C7: variants seen among roughly 807,000 people sequenced by gnomAD.
The protein encoded by C7 is complement C7.
Under a neutral mutation model 104.8 loss-of-function variants are expected in C7, and 83 were observed. That is an observed-to-expected ratio of 0.79 (90% CI 0.66 to 0.95). The LOEUF (loss-of-function observed/expected upper bound fraction) is 0.95, where lower values mean the gene tolerates loss of function less well. C7 is among the 40% of genes least tolerant of loss of function. The pLI, the probability that C7 is intolerant of heterozygous loss-of-function variation, is 0.00. For synonymous variants in C7, 415 were observed against 360.6 expected (o/e 1.15, Z -1.71); for missense variants, 1,070 against 1,011.2 (o/e 1.06, Z -0.79).
At chr5:40,954,889 A>AAAAAG (rs760499102) in intron 9 of C7, 3,287 of 284,564 alleles carry the variant, frequency 0.012, 113 homozygotes, top group Non-Finnish European at 0.017. Context: ...AAAAAAAAAA[A>AAAAAG]AAAAAAAAAA....
At chr5:40,964,533 CAGTGGTATTAATAGTTTTATT>C in intron 13 of C7, 187 bp from the exon 14 acceptor site, 1 of 468,228 alleles carries the variant, frequency 2.1e-6, no homozygotes, top group Non-Finnish European at 3.9e-6. Flanking sequence ...ACATTATAGA[CAGTGGTATTAATAGTTTTATT>C]TCAATTAATG....
chr5:40,923,635 AC>A (rs1469618670), intron 1 of C7, among the ~76,000 whole-genome samples: 1 of 151,982 alleles, frequency 6.6e-6, no homozygotes, highest in South Asian at 2.1e-4. Context: ...AATCATAGCT[AC>A]TCAGGAGGCT....
chr5:40,948,528 A>T (rs1455280513), intron 8 of C7, among the ~76,000 whole-genome samples: 2 of 152,146 alleles, frequency 1.3e-5, no homozygotes, highest in East Asian at 3.9e-4. Context: ...CTTATTCCTT[A>T]TGCTATGTCA....
intron 9 of C7, among the ~76,000 whole-genome samples, chr5:40,952,885 G>T (rs1319905406): frequency 6.6e-6 from 1 of 152,154 alleles, no homozygotes; most frequent in Admixed American, 6.6e-5. Context: ...TCTTAGCAAA[G>T]AATCTGCAGT....
Position 40,947,841 on chromosome 5 carries a change from A to C in C7, c.978A>C (p.Gln326His). ...ATGTGGACTCAGAAAAATTAAAACA[A>C]AATGGTACAGTATTAAAAAATTCGT... ...LFYVDSEKLK[Q>H]NDFNSVEEKK... Residue 326 changes from glutamine (Q) to histidine (H), a missense_variant, in exon 8 of 18, where the codon CAA becomes CAC. Physicochemically the swap from Gln to His is conservative, Grantham distance 24. Transcript: ENST00000313164. 6.2e-7 allele frequency: 1 copy of C among 1,611,578 alleles called. No individual in the cohort carries two copies. The highest frequency in any genetic ancestry group is 8.5e-7 in the Non-Finnish European group (1 of 1,179,170).
chr5:40,944,030 C>T (rs183528903), intron 6 of C7, among the ~76,000 whole-genome samples: 45 of 152,118 alleles, frequency 3.0e-4, no homozygotes, highest in African/African-American at 9.9e-4. Context: ...GAATATTTTG[C>T]TTTCACAAGC....
intron 9 of C7, among the ~76,000 whole-genome samples, chr5:40,953,028 T>G (rs182401043): frequency 2.5e-4 from 38 of 152,232 alleles, no homozygotes; most frequent in African/African-American, 9.1e-4. Context: ...TAGGTCTTGG[T>G]GGGGACTAAG....
intron 7 of C7, among the ~76,000 whole-genome samples, chr5:40,946,073 A>T (rs904185236): frequency 3.3e-5 from 5 of 151,750 alleles, no homozygotes; most frequent in Admixed American, 1.3e-4. Flanking sequence ...ATACAATTTT[A>T]AAAAATCTAA....
At chr5:40,958,568 A>C (rs1385051984) in intron 11 of C7, among the ~76,000 whole-genome samples, 2 of 152,208 alleles carry the variant, frequency 1.3e-5, no homozygotes, top group Non-Finnish European at 2.9e-5. Context: ...TGCTGTAGCA[A>C]AGGTCTGTGG....
intron 1 of C7, among the ~76,000 whole-genome samples, chr5:40,911,539 G>T (rs1194326604): frequency 6.6e-6 from 1 of 152,152 alleles, no homozygotes; most frequent in Non-Finnish European, 1.5e-5. Flanking sequence ...CTAGGGAATG[G>T]TCGTCACAGT....
At chr5:40,914,170 G>A (rs1488130545) in intron 1 of C7, among the ~76,000 whole-genome samples, 3 of 152,100 alleles carry the variant, frequency 2.0e-5, no homozygotes, top group African/African-American at 7.2e-5. Context: ...GACTGTGTAA[G>A]ATGATATCTC....
intron 8 of C7, among the ~76,000 whole-genome samples, 169 bp downstream of exon 8, chr5:40,948,014 T>A (rs1052982893): frequency 2.0e-5 from 3 of 152,228 alleles, no homozygotes; most frequent in Non-Finnish European, 2.9e-5. Flanking sequence ...AAATCTTATA[T>A]GGTTTAAGAA....
intron 9 of C7, among the ~76,000 whole-genome samples, chr5:40,953,639 CAAAAA>C (rs397961480): frequency 9.6e-6 from 1 of 104,140 alleles, no homozygotes; most frequent in Non-Finnish European, 1.8e-5. Flanking sequence ...GACTCTGTCT[CAAAAA>C]AAAAAAAAAA....
At chr5:40,958,610 G>A (rs984934084) in intron 11 of C7, among the ~76,000 whole-genome samples, 5 of 152,164 alleles carry the variant, frequency 3.3e-5, no homozygotes, top group Non-Finnish European at 4.4e-5. Flanking sequence ...TAATCTTTCT[G>A]ATGGCATGCT....
rs1376605454 is a variant in C7, at chr5:40,979,685, C to T, written c.2166-40C>T. On this transcript the variant is annotated intron_variant, in intron 16 of 17. Coordinates refer to ENST00000313164, the MANE Select transcript of C7 (RefSeq NM_000587.4). ...ATTTCTCCTTCTCAGCTTTTACGAA[C>T]AAAAATCTTGTAAATAATGTCATTA... is the stretch of plus-strand genomic sequence containing the variant. 5.2e-6 allele frequency: 8 copies of T among 1,552,366 alleles called. No individual in the cohort carries two copies. In the East Asian group the frequency reaches 1.6e-4, roughly 31 times the overall value.
chr5:40,937,936 A>C (rs1158898976), intron 6 of C7, among the ~76,000 whole-genome samples: 1 of 152,140 alleles, frequency 6.6e-6, no homozygotes, highest in Non-Finnish European at 1.5e-5. Flanking sequence ...TTCATGTTCT[A>C]TATAGGCCCA....
chr5:40,920,858 G>T (rs911117095), intron 1 of C7, among the ~76,000 whole-genome samples: 3 of 152,166 alleles, frequency 2.0e-5, no homozygotes, highest in African/African-American at 7.2e-5. Context: ...AGACCAGCCT[G>T]CCCAACATGG....
In C7 at chr5:40,958,132, C is replaced by T. The variant is rs775084416; in HGVS notation, c.1360C>T (p.Pro454Ser). ...ALEEYLDEFD[P>S]CHCRPCQNGG... ...TGAAGAGTATCTGGATGAATTTGAC[C>T]CCTGTCATTGCCGGCCTTGTCAAAA... Residue 454 changes from proline to serine, a missense_variant, in exon 11 of 18, where the codon CCC (proline) becomes TCC (serine). Physicochemically the swap from Pro to Ser is moderately conservative, Grantham distance 74. Transcript: ENST00000313164. The T allele has an allele frequency of 6.2e-7, 1 of 1,613,584 alleles. No homozygotes were observed. The highest frequency in any genetic ancestry group is 1.3e-5 in the African/African-American group (1 of 74,848).
In C7 at chr5:40,959,443, T is replaced by C; in HGVS notation, c.1490-6T>C. On this transcript the variant is annotated splice_polypyrimidine_tract_variant and splice_region_variant and intron_variant, in intron 11 of 17. Transcript: ENST00000313164. ...CTTATTGATCAACCTCTTTCTCATC[T>C]TGTAGGAGGGGTTGATGGAGGTTGG... The C allele has an allele frequency of 6.2e-7, 1 of 1,608,134 alleles. No homozygotes were observed. The highest frequency in any genetic ancestry group is 8.5e-7 in the Non-Finnish European group (1 of 1,177,918).
Sources: gnomAD v4.1 joint callset for allele counts (sites outside exome capture counted in the v4.1 genomes callset) on GRCh38, gnomAD v4.1.1 for gene constraint, MANE v1.5 for transcripts, NCBI Gene and HGNC (gene_info 2026-07-23, HGNC 2026-07-21) for gene names.